NAALADL2: variants seen among roughly 807,000 people sequenced by gnomAD.
NAALADL2 encodes the protein N-acetylated alpha-linked acidic dipeptidase like 2, also known as inactive N-acetylated-alpha-linked acidic dipeptidase-like protein 2.
NAALADL2 carries 76 observed loss-of-function variants against 87.2 expected under a neutral mutation model. The observed-to-expected ratio is 0.87, with a 90% CI of 0.72 to 1.05. NAALADL2 has a LOEUF of 1.05. Among genes scored for constraint, NAALADL2 ranks in the 50% least tolerant of loss-of-function variants. NAALADL2 has a pLI of 0.00. For missense variants in NAALADL2, 1,089 were observed against 945.8 expected (o/e 1.15, Z -1.99); for synonymous variants, 354 against 331.0 (o/e 1.07, Z -0.75).
rs1189883307 is a variant in NAALADL2 at position 175,804,257 on chromosome 3, G to A, written c.*1054G>A. 6.6e-6 allele frequency: 1 copy of A among 151,788 alleles called. No individual in the cohort carries two copies. Among genetic ancestry groups the A allele is most frequent in the East Asian group, 1.9e-4 (1 of 5,168 alleles). 9.4% of individuals were successfully genotyped at this position (151,788 alleles called of 1,614,324 possible). On this transcript the variant is annotated 3_prime_UTR_variant, in exon 14 of 14. Coordinates refer to ENST00000454872, the MANE Select transcript of NAALADL2 (RefSeq NM_207015.3). ...ATCAATAAAAGCCCCTTAATATTATGAAGAAACTTTTCATATTTTTTCTTC... is the reference window on the plus strand; with the variant it reads ...ATCAATAAAAGCCCCTTAATATTATAAAGAAACTTTTCATATTTTTTCTTC...
chr3:174,967,786 A>C (rs926781747), intron 1 of NAALADL2, among the ~76,000 whole-genome samples: 6 of 152,214 alleles, frequency 3.9e-5, no homozygotes, highest in African/African-American at 1.4e-4. Flanking sequence ...AGATAAGCAG[A>C]GAAGCCTCCT....
At chr3:175,246,955 AG>A in intron 3 of NAALADL2, among the ~76,000 whole-genome samples, 1 of 152,314 alleles carries the variant, frequency 6.6e-6, no homozygotes, top group South Asian at 2.1e-4. Context: ...TGTGGTCTCA[AG>A]AGTCACAGAG....
chr3:175,618,490 C>T (rs544577555), intron 10 of NAALADL2, among the ~76,000 whole-genome samples: 3 of 152,260 alleles, frequency 2.0e-5, no homozygotes, highest in South Asian at 4.2e-4. Flanking sequence ...TTGACCAAAC[C>T]CTTATGCAAA....
At chr3:174,900,091 G>A (rs1475036683) in intron 1 of NAALADL2, among the ~76,000 whole-genome samples, 1 of 152,002 alleles carries the variant, frequency 6.6e-6, no homozygotes, top group African/African-American at 2.4e-5. Context: ...TAAGGGAAAA[G>A]ATATTGAGGA....
intron 2 of NAALADL2, among the ~76,000 whole-genome samples, chr3:175,199,012 A>C (rs1309272103): frequency 6.6e-6 from 1 of 152,146 alleles, no homozygotes; most frequent in Non-Finnish European, 1.5e-5. Context: ...GTAGACTTAA[A>C]TTTTAAGGAC....
rs114753101 is a variant in NAALADL2, at chr3:175,492,738, T to G, written c.1653+20980T>G. Among the ~76,000 whole-genome samples the G allele has an allele frequency of 3.5e-3, 529 of 152,268 alleles. 2 individuals are homozygous for G. The highest frequency in any genetic ancestry group is 5.5e-3 in the Non-Finnish European group (375 of 68,010). On this transcript the variant is annotated intron_variant, in intron 9 of 13. Transcript: ENST00000454872. ...GTTCATCTATACGTAAACATCTGTA[T>G]AGGTATATACATATACAGCTGTGTA...
rs549145169 is a variant in NAALADL2 at position 175,033,119 on chromosome 3, G to A, written c.44-63671G>A. Among the ~76,000 whole-genome samples, 10 of 152,042 alleles carry A rather than the reference G, an allele frequency of 6.6e-5. No individual in the cohort carries two copies. The East Asian group carries it at 2.0e-3, about 30-fold the overall frequency. On this transcript the variant is annotated intron_variant, in intron 1 of 13. Transcript: ENST00000454872. Reference sequence around the variant, plus strand: ...GGGGGATGGAAGAGTAAATGAGATAGCAAGGTTGGTGGTGGGGAGGGGTCC... The same window carrying A: ...GGGGGATGGAAGAGTAAATGAGATAACAAGGTTGGTGGTGGGGAGGGGTCC...
At chr3:175,087,378 C>G (rs1363003959) in intron 1 of NAALADL2, among the ~76,000 whole-genome samples, 1 of 152,186 alleles carries the variant, frequency 6.6e-6, no homozygotes, top group Non-Finnish European at 1.5e-5. Context: ...AGGAGCGCCT[C>G]TGCCCGGCCG....
intron 1 of NAALADL2, among the ~76,000 whole-genome samples, chr3:174,980,229 A>G (rs1451030421): frequency 1.3e-5 from 2 of 152,236 alleles, no homozygotes; most frequent in Non-Finnish European, 2.9e-5. Context: ...AAATTTTTGA[A>G]GGCAGAGACT....
rs373119624 is a variant in NAALADL2 at position 174,571,276 on chromosome 3, TC to T, written c.-115+20640del. On this transcript the variant is annotated intron_variant, in intron 2 of 3. Transcript: ENST00000434257. The stretch of plus-strand genomic sequence containing the variant: ...GTAAACTAAAAAACAGAAAAATCTT[TC>T]GTTTTTTTAGTGAGACTATTGTAAC... Among the ~76,000 whole-genome samples the T allele has an allele frequency of 5.7e-3, 870 of 152,288 alleles. 12 individuals are homozygous for T. Among genetic ancestry groups the T allele is most frequent in the African/African-American group, 0.019 (783 of 41,568 alleles).
At chr3:175,274,057 C>T (rs1276725762) in intron 4 of NAALADL2, among the ~76,000 whole-genome samples, 2 of 151,968 alleles carry the variant, frequency 1.3e-5, no homozygotes, top group Admixed American at 6.6e-5. Context: ...TCTCATACTG[C>T]TAATAAAGAA....
At chr3:174,834,571 T>G (rs2109388436) in intron 3 of NAALADL2, among the ~76,000 whole-genome samples, 1 of 152,096 alleles carries the variant, frequency 6.6e-6, no homozygotes, top group African/African-American at 2.4e-5. Flanking sequence ...TACAAAAAGC[T>G]ACTAGAACTA....
intron 9 of NAALADL2, among the ~76,000 whole-genome samples, chr3:175,533,738 T>G (rs1734415562): frequency 6.6e-6 from 1 of 152,154 alleles, no homozygotes; most frequent in Non-Finnish European, 1.5e-5. Flanking sequence ...ACTTGCTTGA[T>G]AAGAGCTTGT....
At chr3:175,115,508 C>A (rs1724972642) in intron 2 of NAALADL2, among the ~76,000 whole-genome samples, 1 of 151,342 alleles carries the variant, frequency 6.6e-6, no homozygotes. Context: ...TAACGTGTAT[C>A]CTAATAATAC....
At chr3:174,547,723 A>C (rs1479999028) in intron 1 of NAALADL2, among the ~76,000 whole-genome samples, 4 of 152,074 alleles carry the variant, frequency 2.6e-5, no homozygotes, top group African/African-American at 9.7e-5. Context: ...TTATCCTCCT[A>C]GAGCAATAGT....
At chr3:174,995,231 A>G (rs1242918667) in intron 1 of NAALADL2, among the ~76,000 whole-genome samples, 1 of 152,186 alleles carries the variant, frequency 6.6e-6, no homozygotes, top group Non-Finnish European at 1.5e-5. Context: ...TACACAATGT[A>G]GACTAATCTA....
intron 9 of NAALADL2, among the ~76,000 whole-genome samples, chr3:175,543,081 T>C (rs994012731): frequency 6.6e-6 from 1 of 152,192 alleles, no homozygotes; most frequent in Non-Finnish European, 1.5e-5. Context: ...CCAGTTTCTA[T>C]GACATATTTA....
chr3:174,971,326 A>G (rs1238169403), intron 1 of NAALADL2, among the ~76,000 whole-genome samples: 1 of 152,230 alleles, frequency 6.6e-6, no homozygotes, highest in East Asian at 1.9e-4. Context: ...TGTTAAAAGT[A>G]TGAAAGCAAT....
intron 9 of NAALADL2, among the ~76,000 whole-genome samples, chr3:175,534,282 A>T (rs1734504176): frequency 6.6e-6 from 1 of 152,046 alleles, no homozygotes; most frequent in Non-Finnish European, 1.5e-5. Context: ...GAATAGATAG[A>T]TGGACAGGGA....
Sources: gnomAD v4.1 joint callset for allele counts (sites outside exome capture counted in the v4.1 genomes callset) on GRCh38, gnomAD v4.1.1 for gene constraint, MANE v1.5 for transcripts, NCBI Gene and HGNC (gene_info 2026-07-23, HGNC 2026-07-21) for gene names.